CCDC146: variants seen among roughly 807,000 people sequenced by gnomAD.
CCDC146 encodes the protein coiled-coil domain-containing protein 146.
A neutral mutation model predicts 119.3 loss-of-function variants in CCDC146; 92 were observed. The observed-to-expected ratio is 0.77, with a 90% CI of 0.65 to 0.92. The LOEUF is 0.92. Ranked by LOEUF, CCDC146 falls within the 40% of genes least tolerant of loss-of-function variation. CCDC146 has a pLI of 0.00. For missense variants in CCDC146, 1,000 were observed against 1,103.0 expected (o/e 0.91, Z 1.32); for synonymous variants, 372 against 371.8 (o/e 1.00, Z -0.01).
At chr7:77,168,702 A>G (rs1301567298) in intron 2 of CCDC146, among the ~76,000 whole-genome samples, 1 of 152,116 alleles carries the variant, frequency 6.6e-6, no homozygotes, top group Admixed American at 6.5e-5. Context: ...ATTTTGACAT[A>G]ATTTCAGATA....
intron 17 of CCDC146, among the ~76,000 whole-genome samples, chr7:77,290,206 A>G (rs1451770731): frequency 7.2e-6 from 1 of 138,290 alleles, no homozygotes; most frequent in Non-Finnish European, 1.5e-5. Flanking sequence ...ACACATGGAC[A>G]CATGAAGGGG....
At chr7:77,259,923 G>T (rs1793255786) in intron 7 of CCDC146, 86 bp from the exon 8 acceptor site, 4 of 916,808 alleles carry the variant, frequency 4.4e-6, no homozygotes, top group Non-Finnish European at 6.7e-6. Context: ...AGCCAGCATG[G>T]CCTCAAAATA....
chr7:77,189,944 T>C lies in CCDC146; in HGVS notation c.156+22120T>C, dbSNP rs112092364. On this transcript the variant is annotated intron_variant, in intron 2 of 18. Transcript: ENST00000285871. ...CCTTACTCTCCTTAATTTTTAATGG[T>C]ATTTATCATGTATTTGTCTCCTCTG... 2.6e-3 allele frequency among the ~76,000 whole-genome samples: 390 copies of C among 152,326 alleles called. 3 individuals are homozygous for C. Among genetic ancestry groups the C allele is most frequent in the African/African-American group, 8.8e-3 (367 of 41,578 alleles).
intron 15 of CCDC146, among the ~76,000 whole-genome samples, chr7:77,284,954 A>AT (rs35945284): frequency 2.5e-3 from 381 of 150,588 alleles, no homozygotes; most frequent in Admixed American, 4.7e-3. Flanking sequence ...ATATCCTGTC[A>AT]TTTTTTACAG....
chr7:77,126,777 G>A (rs1350963428), intron 1 of CCDC146, among the ~76,000 whole-genome samples: 1 of 152,116 alleles, frequency 6.6e-6, no homozygotes, highest in African/African-American at 2.4e-5. Flanking sequence ...ATGGACCTCA[G>A]AGGGGAGGAA....
chr7:77,148,239 G>A (rs1217229555), intron 1 of CCDC146, among the ~76,000 whole-genome samples: 1 of 152,186 alleles, frequency 6.6e-6, no homozygotes, highest in African/African-American at 2.4e-5. Flanking sequence ...CTGGTGTGCC[G>A]TTTGCTAAGA....
At chr7:77,227,101 A>G (rs149187091) in intron 2 of CCDC146, among the ~76,000 whole-genome samples, 4 of 152,106 alleles carry the variant, frequency 2.6e-5, no homozygotes, top group Admixed American at 2.6e-4. Context: ...ACCTTTTCCA[A>G]TTTATGTAGA....
chr7:77,200,313 A>G (rs1791963508), intron 2 of CCDC146, among the ~76,000 whole-genome samples: 1 of 152,184 alleles, frequency 6.6e-6, no homozygotes, highest in Non-Finnish European at 1.5e-5. Flanking sequence ...GCACTTTTAG[A>G]AGTTTCTAAG....
chr7:77,226,262 C>T (rs1029793206), intron 2 of CCDC146, among the ~76,000 whole-genome samples: 1 of 152,210 alleles, frequency 6.6e-6, no homozygotes, highest in African/African-American at 2.4e-5. Flanking sequence ...TATGCTTTCA[C>T]ATTTATATTA....
intron 2 of CCDC146, among the ~76,000 whole-genome samples, chr7:77,217,269 G>T (rs900337059): frequency 6.6e-6 from 1 of 151,740 alleles, no homozygotes; most frequent in African/African-American, 2.4e-5. Flanking sequence ...ATTCCAAAAA[G>T]CTTGTGCAAC....
intron 1 of CCDC146, among the ~76,000 whole-genome samples, chr7:77,133,216 A>G (rs1257452654): frequency 6.6e-6 from 1 of 152,186 alleles, no homozygotes; most frequent in African/African-American, 2.4e-5. Flanking sequence ...GATTCCTGAT[A>G]AAAACTCTCC....
intron 2 of CCDC146, among the ~76,000 whole-genome samples, chr7:77,234,801 G>T (rs1206801262): frequency 6.6e-6 from 1 of 152,034 alleles, no homozygotes; most frequent in African/African-American, 2.4e-5. Flanking sequence ...TAAGATATTT[G>T]ATACAGGTAG....
intron 2 of CCDC146, among the ~76,000 whole-genome samples, chr7:77,191,725 G>A (rs191640395): frequency 1.2e-4 from 18 of 151,978 alleles, no homozygotes; most frequent in Non-Finnish European, 2.2e-4. Flanking sequence ...TGGCTAACAC[G>A]GTGAAACCCA....
intron 2 of CCDC146, among the ~76,000 whole-genome samples, chr7:77,227,231 C>T (rs961988984): frequency 6.6e-6 from 1 of 152,206 alleles, no homozygotes; most frequent in African/African-American, 2.4e-5. Context: ...TGTAGTTTTC[C>T]TGCTTTTCTG....
chr7:77,256,018 T>C (rs929146938), intron 5 of CCDC146, among the ~76,000 whole-genome samples: 1 of 152,144 alleles, frequency 6.6e-6, no homozygotes, highest in Non-Finnish European at 1.5e-5. Flanking sequence ...CTTCTTGGTA[T>C]GAAATAAAAA....
At chr7:77,266,690 C>T (rs531499483) in intron 9 of CCDC146, among the ~76,000 whole-genome samples, 2 of 150,134 alleles carry the variant, frequency 1.3e-5, no homozygotes, top group Admixed American at 1.4e-4. Context: ...CTCTCAGTAC[C>T]CACTCTGCAT....
At position 77,278,945 on chromosome 7, in the gene CCDC146, A is replaced by G. The variant is rs147760537; in HGVS notation, c.1538A>G (p.Glu513Gly). ...ACTTTGTATTTTTACAGACTGAGAG[A>G]GTTTGCTAAACTGTATGACACCATT... ...KKCEIYRRLR[E>G]FAKLYDTIRN... The change falls in exon 13 of 19, where the codon GAG (glutamate) becomes GGG (glycine). Residue 513 changes from glutamate to glycine, a missense_variant. By Grantham distance (98) the Glu-to-Gly change is moderately conservative (BLOSUM62 -2). Around this residue, in one of 2 missense-constraint regions of CCDC146, gnomAD observed 985 missense variants for 1,045.3 expected, o/e 0.94. Transcript: ENST00000285871. 1.1e-5 allele frequency: 18 copies of G among 1,608,462 alleles called. No individual in the cohort carries two copies. The African/African-American group carries it at 2.3e-4, about 20-fold the overall frequency.
intron 4 of CCDC146, among the ~76,000 whole-genome samples, chr7:77,252,122 C>G (rs1190220282): frequency 1.3e-5 from 2 of 152,148 alleles, no homozygotes; most frequent in Non-Finnish European, 2.9e-5. Flanking sequence ...GCACTCCAGC[C>G]TAGGGAACAG....
At chr7:77,291,011 T>C (rs543388069) in intron 17 of CCDC146, among the ~76,000 whole-genome samples, 45 of 152,316 alleles carry the variant, frequency 3.0e-4, no homozygotes, top group African/African-American at 1.1e-3. Context: ...CAGAAAATAT[T>C]GAACTTTAAT....
Sources: gnomAD v4.1 joint callset for allele counts (sites outside exome capture counted in the v4.1 genomes callset) on GRCh38, gnomAD v4.1.1 for gene constraint, gnomAD v4.1.1 regional missense constraint, MANE v1.5 for transcripts, NCBI Gene and HGNC (gene_info 2026-07-23, HGNC 2026-07-21) for gene names.